The following ZNF652 variants were observed in gnomAD, a reference collection of about 807,000 sequenced individuals.
ZNF652 encodes the protein zinc finger protein 652.
ZNF652 carries 16 observed loss-of-function variants against 45.2 expected under a neutral mutation model. The ratio of observed to expected loss-of-function variants is 0.35; its 90% CI spans 0.24 to 0.54. The LOEUF (loss-of-function observed/expected upper bound fraction) is 0.54. Among genes scored for constraint, ZNF652 ranks in the 20% least tolerant of loss-of-function variants. ZNF652 has a pLI of 0.91. For synonymous variants in ZNF652, 250 were observed against 260.6 expected, an observed-to-expected ratio of 0.96 and a Z score of 0.39; for missense variants, 614 against 765.6, an observed-to-expected ratio of 0.80 and a Z score of 2.34.
At chr17:49,322,328 A>C (rs2069903734) in intron 1 of ZNF652, 1 of 152,256 alleles carries the variant, frequency 6.6e-6, no homozygotes, top group Admixed American at 6.5e-5. Context: ...CAAAGAAAGC[A>C]AGCCTTAGCA....
At chr17:49,301,283 T>C (rs1259038770) in intron 5 of ZNF652, among the ~76,000 whole-genome samples, 1 of 152,196 alleles carries the variant, frequency 6.6e-6, no homozygotes, top group African/African-American at 2.4e-5. Context: ...AAGACTATCA[T>C]ATTTCCCTTG....
At chr17:49,344,520 T>A (rs1439522380) in intron 1 of ZNF652, among the ~76,000 whole-genome samples, 18 of 26,002 alleles carry the variant, frequency 6.9e-4, no homozygotes, top group Admixed American at 1.3e-3. Context: ...AAAGCAAAAT[T>A]TTTTTTTTTT....
intron 2 of ZNF652, among the ~76,000 whole-genome samples, chr17:49,316,009 TTC>T (rs779764211): frequency 2.2e-4 from 34 of 152,200 alleles, no homozygotes; most frequent in Non-Finnish European, 4.1e-4. Flanking sequence ...TACAAAATAT[TTC>T]TGTTACATAT....
At chr17:49,349,538 C>G (rs1277834994) in intron 1 of ZNF652, among the ~76,000 whole-genome samples, 1 of 152,160 alleles carries the variant, frequency 6.6e-6, no homozygotes. Context: ...GGTATTCTGC[C>G]TCAAGATCAG....
At chr17:49,329,103 A>C (rs2069996596) in intron 1 of ZNF652, among the ~76,000 whole-genome samples, 1 of 152,232 alleles carries the variant, frequency 6.6e-6, no homozygotes, top group Non-Finnish European at 1.5e-5. Context: ...CTTCCTTCAG[A>C]ATGTCCAGAA....
chr17:49,312,089 G>C (rs2069720518), intron 3 of ZNF652, 47 bp from the exon 4 acceptor site: 1 of 1,330,828 alleles, frequency 7.5e-7, no homozygotes. Context: ...CCACCAAAAA[G>C]CTCAAACTAA....
Position 49,295,686 on chromosome 17 carries a change from T to C in ZNF652, c.*2727A>G, listed in dbSNP as rs1380589533. ...TGGACGTGGTGGCTCACGCCTGTAA[T>C]CCCAGCACTTTCGGAGGCTGAGGTG... On this transcript the variant is annotated 3_prime_UTR_variant, in exon 6 of 6. Coordinates refer to ENST00000430262, the MANE Select transcript of ZNF652 (RefSeq NM_001145365.3). 1.3e-5 allele frequency: 2 copies of C among 152,140 alleles called. No individual in the cohort carries two copies. Among genetic ancestry groups the C allele is most frequent in the East Asian group, 3.8e-4 (2 of 5,198 alleles). The allele number at this position is 152,140 out of a possible 1,614,324, so 9.4% of individuals were successfully genotyped here. A position where few individuals can be genotyped will look rare whatever the true frequency, so the allele number is the denominator to read the frequency against.
At chr17:49,315,382 T>A (rs1301112465) in intron 2 of ZNF652, among the ~76,000 whole-genome samples, 1 of 152,062 alleles carries the variant, frequency 6.6e-6, no homozygotes, top group Non-Finnish European at 1.5e-5. Context: ...TCAGGATTAT[T>A]AGGAGCTATA....
At chr17:49,311,870 G>A (rs879581806) in intron 4 of ZNF652, 57 bp downstream of exon 4, 64 of 1,419,866 alleles carry the variant, frequency 4.5e-5, no homozygotes, top group Non-Finnish European at 5.9e-5. Context: ...TCACTGGTCC[G>A]CCATCTATGC....
intron 1 of ZNF652, among the ~76,000 whole-genome samples, chr17:49,332,937 C>T (rs1031580030): frequency 1.3e-4 from 20 of 151,996 alleles, no homozygotes; most frequent in African/African-American, 4.8e-4. Flanking sequence ...CTTTGGGAGG[C>T]TAAGGCAGGA....
rs1481184075 is a variant in ZNF652, at chr17:49,290,863, G to T, written c.*7550C>A. 6.6e-6 allele frequency: 1 copy of T among 152,146 alleles called. No homozygotes were observed. Among genetic ancestry groups the T allele is most frequent in the East Asian group, 1.9e-4 (1 of 5,200 alleles). 9.4% of individuals were successfully genotyped at this position (152,146 alleles called of 1,614,324 possible). ...TATTCCAGAAGAGATTTAAAAGTGG[G>T]ATCTTTCTTTAGAAGGTTGAGAATA... On this transcript the variant is annotated 3_prime_UTR_variant, in exon 6 of 6. Transcript: ENST00000430262.
At position 49,317,306 on chromosome 17, in the gene ZNF652, C is replaced by T; in HGVS notation, c.420G>A (p.Gln140=). The part of the protein sequence containing the change: ...VSKGEKGVSS[Q]SKETPVLKTS... ...TCTTAAGAACAGGAGTCTCTTTGGA[C>T]TGAGAAGAGACACCCTTTTCCCCTT... Residue 140 remains glutamine, a synonymous_variant, in exon 2 of 6, where the codon CAG becomes CAA. Coordinates refer to ENST00000430262, the MANE Select transcript of ZNF652 (RefSeq NM_001145365.3). 1.2e-6 allele frequency: 2 copies of T among 1,613,110 alleles called. No homozygotes were observed. The highest frequency in any genetic ancestry group is 1.7e-6 in the Non-Finnish European group (2 of 1,180,012).
intron 5 of ZNF652, 99 bp downstream of exon 5, chr17:49,311,213 T>C: frequency 1.5e-6 from 2 of 1,298,824 alleles, no homozygotes; most frequent in East Asian, 4.8e-5. Context: ...TTGCTTTGAA[T>C]GCAAATTTGT....
chr17:49,314,154 T>C (rs571735174), intron 2 of ZNF652, among the ~76,000 whole-genome samples: 227 of 152,108 alleles, frequency 1.5e-3, no homozygotes, highest in African/African-American at 5.3e-3. Context: ...CTCTCTCTCC[T>C]TTTTAAAATC....
intron 1 of ZNF652, among the ~76,000 whole-genome samples, chr17:49,345,840 C>CAAAAAAAAAAAAAA (rs11381958): frequency 8.6e-6 from 1 of 115,706 alleles, no homozygotes; most frequent in Non-Finnish European, 1.8e-5. Flanking sequence ...GACTCCATCT[C>CAAAAAAAAAAAAAA]AAAAAAAAAA....
In ZNF652 at chr17:49,295,616, T is replaced by G. The variant is rs527275995; in HGVS notation, c.*2797A>C. On this transcript the variant is annotated 3_prime_UTR_variant, in exon 6 of 6. Transcript: ENST00000430262. ...GTGGTCTCAAGTCTAGAATCCAGAA[T>G]TGCTGCCCAATACTGTAAATTTATT... is the stretch of plus-strand genomic sequence containing the variant. 6.6e-6 allele frequency: 1 copy of G among 152,530 alleles called. No individual in the cohort carries two copies. Among genetic ancestry groups the G allele is most frequent in the East Asian group, 1.9e-4 (1 of 5,174 alleles). 9.4% of individuals were successfully genotyped at this position (152,530 alleles called of 1,614,324 possible). A position where few individuals can be genotyped will look rare whatever the true frequency, so the allele number is the denominator to read the frequency against.
chr17:49,342,368 A>T (rs2143030580), intron 1 of ZNF652, among the ~76,000 whole-genome samples: 1 of 152,200 alleles, frequency 6.6e-6, no homozygotes, highest in East Asian at 1.9e-4. Context: ...CTCCAAATTA[A>T]AACATGACCA....
In ZNF652 at chr17:49,344,272, G is replaced by A. The variant is rs2070180950; in HGVS notation, c.-259+17637C>T. Among the ~76,000 whole-genome samples the A allele has an allele frequency of 2.0e-5, 3 of 151,800 alleles. No homozygotes were observed. In the South Asian group the frequency reaches 6.2e-4, roughly 31 times the overall value. On this transcript the variant is annotated intron_variant, in intron 1 of 5. Transcript: ENST00000430262. ...CCTAGCTACTTGAGAAACTGAGGCA[G>A]GAGGATCACTGAACCCCAGGAGTTC...
Position 49,295,390 on chromosome 17 carries a change from T to C in ZNF652, c.*3023A>G, listed in dbSNP as rs1019266444. 7.5e-6 allele frequency: 1 copy of C among 133,716 alleles called. No homozygotes were observed. The highest frequency in any genetic ancestry group is 2.2e-4 in the East Asian group (1 of 4,476). 8.3% of individuals were successfully genotyped at this position (133,716 alleles called of 1,614,324 possible). A position where few individuals can be genotyped will look rare whatever the true frequency, so the allele number is the denominator to read the frequency against. ...CAATACACTTCACTAAGAATTGTAC[T>C]GTATGACAATGCTAATTTTTAAAAA... On this transcript the variant is annotated 3_prime_UTR_variant, in exon 6 of 6. Coordinates refer to ENST00000430262, the MANE Select transcript of ZNF652 (RefSeq NM_001145365.3).
Sources: gnomAD v4.1 joint callset for allele counts (sites outside exome capture counted in the v4.1 genomes callset) on GRCh38, gnomAD v4.1.1 for gene constraint, MANE v1.5 for transcripts, NCBI Gene and HGNC (gene_info 2026-07-23, HGNC 2026-07-21) for gene names.